PHKA2: variants seen among roughly 807,000 people sequenced by gnomAD.
PHKA2 encodes phosphorylase kinase regulatory subunit alpha 2.
PHKA2 carries 31 observed loss-of-function variants against 102.0 expected under a neutral mutation model. The ratio of observed to expected loss-of-function variants is 0.30; its 90% CI spans 0.23 to 0.41. The LOEUF is 0.41. PHKA2 is among the 10% of genes least tolerant of loss of function. The pLI is 1.00. For missense variants in PHKA2, 858 were observed against 1,023.1 expected (o/e 0.84, Z 2.20); for synonymous variants, 455 against 416.2 (o/e 1.09, Z -1.13).
At chrX:18,921,404 C>T (rs941499876) in intron 17 of PHKA2, among the ~76,000 whole-genome samples, 7 of 110,898 alleles carry the variant, frequency 6.3e-5, no homozygotes, top group African/African-American at 9.9e-5. Context: ...CCAGCCTGGG[C>T]GACAGAGACT....
rs768468473 is a variant in PHKA2 at position 18,895,376 on chromosome X, C to T, written c.3283-185G>A. On this transcript the variant is annotated intron_variant, in intron 30 of 32. Coordinates refer to ENST00000379942, the MANE Select transcript of PHKA2 (RefSeq NM_000292.3). ...TCTCACTGCCCACAGGCTGTGTTTT[C>T]GATGGAACAATTCTAGGGAACCCAG... is the stretch of plus-strand genomic sequence containing the variant. The T allele has an allele frequency of 1.8e-4, 88 of 483,622 alleles. No individual in the cohort carries two copies. The East Asian group carries it at 3.2e-3, about 17-fold the overall frequency. The allele number at this position is 483,622 out of a possible 1,213,427, so 39.9% of individuals were successfully genotyped here. A position where few individuals can be genotyped will look rare whatever the true frequency, so the allele number is the denominator to read the frequency against.
intron 1 of PHKA2, among the ~76,000 whole-genome samples, chrX:18,973,616 G>A (rs754021339): frequency 6.5e-4 from 73 of 111,894 alleles, no homozygotes; most frequent in African/African-American, 2.3e-3. Context: ...TTGGCCATCT[G>A]AAAGGAGTTG....
chrX:18,908,093 G>GA, intron 21 of PHKA2, 37 bp from the exon 22 acceptor site: 1 of 1,173,176 alleles, frequency 8.5e-7, no homozygotes, highest in Non-Finnish European at 1.2e-6. Flanking sequence ...ATATGGTCCA[G>GA]AAAGTTTAGA....
intron 1 of PHKA2, among the ~76,000 whole-genome samples, chrX:18,982,407 T>C (rs1876615424): frequency 8.9e-6 from 1 of 112,438 alleles, no homozygotes; most frequent in Admixed American, 9.4e-5. Flanking sequence ...TAATAACCTG[T>C]TTGATGAAGG....
intron 30 of PHKA2, chrX:18,895,471 T>A (rs1335284028): frequency 2.7e-6 from 1 of 366,134 alleles, no homozygotes; most frequent in East Asian, 4.7e-5. Context: ...AGGCTCCGCA[T>A]TGTACTTGGC....
intron 17 of PHKA2, among the ~76,000 whole-genome samples, chrX:18,921,082 AC>A (rs982316206): frequency 5.1e-4 from 55 of 108,802 alleles, no homozygotes; most frequent in South Asian, 3.6e-3. Flanking sequence ...TTAATTGAGC[AC>A]CCCCCCCAAG....
intron 11 of PHKA2, among the ~76,000 whole-genome samples, chrX:18,932,436 T>G (rs1601749272): frequency 9.0e-6 from 1 of 111,194 alleles, no homozygotes; most frequent in Admixed American, 9.6e-5. Context: ...GTGACCGCTT[T>G]TGTCTTCCAG....
At chrX:18,897,593 A>G (rs764402686) in intron 29 of PHKA2, 10 of 390,142 alleles carry the variant, frequency 2.6e-5, no homozygotes, top group East Asian at 1.7e-4. Context: ...TAGAACCCAT[A>G]AGGAGGAGGC....
intron 26 of PHKA2, chrX:18,903,022 CT>C (rs2047727253): frequency 8.9e-6 from 1 of 112,381 alleles, no homozygotes; most frequent in Admixed American, 9.4e-5. Context: ...ACTAACATCT[CT>C]TGATATTTTA....
At chrX:18,903,931 C>T (rs779978866) in intron 26 of PHKA2, among the ~76,000 whole-genome samples, 8 of 111,703 alleles carry the variant, frequency 7.2e-5, no homozygotes, top group Non-Finnish European at 1.5e-4. Flanking sequence ...TCTACCAACT[C>T]GAGCCCTACC....
chrX:18,906,739 C>T lies in PHKA2; in HGVS notation c.2673G>A (p.Thr891=), dbSNP rs771760955. 7.4e-6 allele frequency: 9 copies of T among 1,208,494 alleles called. No individual in the cohort carries two copies. The highest frequency in any genetic ancestry group is 6.5e-5 in the Admixed American group (3 of 45,852). Residue 891 remains threonine, a synonymous_variant, in exon 24 of 33, where the codon ACG becomes ACA. Coordinates refer to ENST00000379942, the MANE Select transcript of PHKA2 (RefSeq NM_000292.3). ...SGQDISIAVL[T]QEIVVYLAMY... is the part of the protein sequence containing the mutation. The stretch of plus-strand genomic sequence containing the variant: ...CCCTCCCACACCAGCCCCAGACCTG[C>T]GTGAGGACGGCAATGCTGATGTCCT...
rs1164007491 is a variant in PHKA2 at position 18,938,616 on chromosome X, C to A, written c.1041+11G>T. ...AAATAATTATCAACGTAACACCCAG[C>A]ATTTTCTCACCTGAACAGCATCACC... On this transcript the variant is annotated intron_variant, in intron 10 of 32. Coordinates refer to ENST00000379942, the MANE Select transcript of PHKA2 (RefSeq NM_000292.3). 5.0e-6 allele frequency: 6 copies of A among 1,199,338 alleles called. No individual in the cohort carries two copies. The highest frequency in any genetic ancestry group is 4.5e-6 in the Non-Finnish European group (4 of 884,930).
intron 11 of PHKA2, among the ~76,000 whole-genome samples, chrX:18,934,612 T>C (rs2048364549): frequency 8.9e-6 from 1 of 112,723 alleles, no homozygotes; most frequent in South Asian, 3.6e-4. Flanking sequence ...TTGGTTTAAC[T>C]GGTTCAGTGA....
intron 30 of PHKA2, 36 bp downstream of exon 30, chrX:18,897,127 C>A: frequency 8.4e-7 from 1 of 1,197,558 alleles, no homozygotes; most frequent in Non-Finnish European, 1.1e-6. Flanking sequence ...AGTAAGGGGA[C>A]GGTTCACTTC....
At chrX:18,935,313 CCT>C (rs1432150298) in intron 11 of PHKA2, among the ~76,000 whole-genome samples, 1 of 111,948 alleles carries the variant, frequency 8.9e-6, no homozygotes, top group Non-Finnish European at 1.9e-5. Context: ...TTTTTCTCTC[CCT>C]GATGTAGAAT....
intron 26 of PHKA2, among the ~76,000 whole-genome samples, chrX:18,904,613 A>G (rs1018630893): frequency 8.9e-6 from 1 of 112,211 alleles, no homozygotes; most frequent in East Asian, 2.8e-4. Context: ...CTGCCTTGGA[A>G]AGAACTGGAA....
intron 1 of PHKA2, among the ~76,000 whole-genome samples, chrX:18,970,196 G>A (rs779931923): frequency 1.6e-4 from 18 of 112,363 alleles, no homozygotes; most frequent in African/African-American, 5.8e-4. Context: ...CCTTGATGGT[G>A]CCACTGCACT....
At chrX:18,967,846 C>T (rs2048966032) in intron 1 of PHKA2, among the ~76,000 whole-genome samples, 1 of 110,704 alleles carries the variant, frequency 9.0e-6, no homozygotes, top group Admixed American at 9.7e-5. Flanking sequence ...TTGAAGCCTT[C>T]CTTGTGGTCT....
intron 17 of PHKA2, among the ~76,000 whole-genome samples, chrX:18,921,849 A>C (rs930052724): frequency 4.4e-5 from 5 of 112,696 alleles, no homozygotes; most frequent in Admixed American, 9.4e-5. Context: ...ATTCACCCCA[A>C]GTCAGAAAGT....
Sources: gnomAD v4.1 joint callset for allele counts (sites outside exome capture counted in the v4.1 genomes callset) on GRCh38, gnomAD v4.1.1 for gene constraint, MANE v1.5 for transcripts, NCBI Gene and HGNC (gene_info 2026-07-23, HGNC 2026-07-21) for gene names.